Variants in PBRM1 observed in about 807,000 individuals in gnomAD.
PBRM1 encodes the protein polybromo 1.
In PBRM1, 27 loss-of-function variants were observed where a neutral mutation model predicts 194.5. The ratio of observed to expected loss-of-function variants is 0.14; its 90% CI spans 0.10 to 0.19. PBRM1 has a LOEUF of 0.19. Ranked by LOEUF, PBRM1 falls within the 10% of genes least tolerant of loss-of-function variation. The probability of loss-of-function intolerance (pLI) is 1.00; values close to 1 mark genes in which losing one functional copy is unlikely to be tolerated. For missense variants in PBRM1, 1,466 were observed against 2,077.2 expected, an observed-to-expected ratio of 0.71 and a Z score of 5.72; for synonymous variants, 655 against 693.2, an observed-to-expected ratio of 0.94 and a Z score of 0.87.
At chr3:52,668,944 C>G (rs1405096032) in intron 2 of PBRM1, among the ~76,000 whole-genome samples, 1 of 152,144 alleles carries the variant, frequency 6.6e-6, no homozygotes, top group South Asian at 2.1e-4. Flanking sequence ...GGCACCAACG[C>G]TAAACCCATG....
chr3:52,657,405 T>C lies in PBRM1; in HGVS notation c.645+794A>G, dbSNP rs1342443536. Among the ~76,000 whole-genome samples, 3 of 152,106 alleles carry C rather than the reference T, an allele frequency of 2.0e-5. No individual in the cohort carries two copies. The East Asian group carries it at 5.8e-4, about 29-fold the overall frequency. On this transcript the variant is annotated intron_variant, in intron 5 of 29. Transcript: ENST00000296302. ...ATCATAACCTTCTGATCATGTAAAA[T>C]GATAGACCGTATACATTTTGTGCTG...
intron 5 of PBRM1, among the ~76,000 whole-genome samples, chr3:52,656,495 C>T (rs909721191): frequency 6.6e-6 from 1 of 152,126 alleles, no homozygotes; most frequent in East Asian, 1.9e-4. Flanking sequence ...GAAAGCTTGT[C>T]TCTACTAAAA....
At chr3:52,579,855 A>G (rs2090643972) in intron 20 of PBRM1, among the ~76,000 whole-genome samples, 3 of 152,248 alleles carry the variant, frequency 2.0e-5, no homozygotes, top group Admixed American at 1.3e-4. Context: ...AAGCAGACTC[A>G]TTCATGCATT....
At chr3:52,684,146 C>T (rs1266017998), upstream of PBRM1, among the ~76,000 whole-genome samples, 2 of 99,848 alleles carry the variant, frequency 2.0e-5, no homozygotes, top group Non-Finnish European at 3.7e-5. Flanking sequence ...CCAGCCTGGG[C>T]AACAAAGTCA....
At chr3:52,545,528 C>T (rs1189110712), downstream of PBRM1, 2 of 232,880 alleles carry the variant, frequency 8.6e-6, no homozygotes, top group African/African-American at 2.2e-5. Context: ...AACATTCAAG[C>T]TCAAAATCAT....
intron 14 of PBRM1, among the ~76,000 whole-genome samples, chr3:52,616,851 T>C (rs1293100530): frequency 6.6e-6 from 1 of 152,206 alleles, no homozygotes; most frequent in African/African-American, 2.4e-5. Flanking sequence ...ATGATGATGA[T>C]GAAAGATTTT....
chr3:52,593,387 C>T (rs2093280720), intron 17 of PBRM1, among the ~76,000 whole-genome samples: 2 of 152,178 alleles, frequency 1.3e-5, no homozygotes, highest in African/African-American at 2.4e-5. Flanking sequence ...CAGGCACACA[C>T]TGCCATACCC....
At chr3:52,652,808 G>T (rs2096532108) in intron 5 of PBRM1, among the ~76,000 whole-genome samples, 1 of 152,012 alleles carries the variant, frequency 6.6e-6, no homozygotes. Flanking sequence ...GACCAACCTG[G>T]CCAACATAGC....
chr3:52,637,773 C>CAAAAAAAAAAAA lies in PBRM1; in HGVS notation c.1088-2970_1088-2959dup, dbSNP rs755241328. On this transcript the variant is annotated intron_variant, in intron 10 of 29. Transcript: ENST00000296302. ...CAAAACCATGTCTCTACTAAAAATA[C>CAAAAAAAAAAAA]AAAAAAAAAAAAAAAAAAAAAAAAT... Among the ~76,000 whole-genome samples the CAAAAAAAAAAAA allele has an allele frequency of 8.8e-3, 373 of 42,192 alleles. 29 individuals carry two copies. The highest frequency in any genetic ancestry group is 0.011 in the Non-Finnish European group (211 of 18,890). The allele number at this position is 42,192 out of a possible 152,430, so 27.7% of individuals were successfully genotyped here. A position where few individuals can be genotyped will look rare whatever the true frequency, so the allele number is the denominator to read the frequency against.
intron 10 of PBRM1, among the ~76,000 whole-genome samples, chr3:52,637,657 G>A (rs111266648): frequency 0.012 from 1,769 of 150,890 alleles, 21 homozygotes; most frequent in South Asian, 0.036. Flanking sequence ...GCTGGGCGCA[G>A]TAGCTCATGC....
chr3:52,681,596 G>A, upstream of PBRM1: 1 of 279,060 alleles, frequency 3.6e-6, no homozygotes, highest in Non-Finnish European at 5.6e-6. Flanking sequence ...CATAAGGAGG[G>A]AATCTTTGTG....
chr3:52,661,846 T>C (rs1280766943), intron 4 of PBRM1, among the ~76,000 whole-genome samples: 1 of 152,238 alleles, frequency 6.6e-6, no homozygotes, highest in East Asian at 1.9e-4. Context: ...AATACTGGAC[T>C]AATCCTTGAT....
At chr3:52,598,841 G>C (rs1268892961) in intron 17 of PBRM1, among the ~76,000 whole-genome samples, 1 of 152,046 alleles carries the variant, frequency 6.6e-6, no homozygotes, top group East Asian at 1.9e-4. Context: ...GGCCAACATG[G>C]TGAAGCCCCG....
chr3:52,659,238 G>C (rs1022433975), intron 4 of PBRM1, among the ~76,000 whole-genome samples: 1 of 152,196 alleles, frequency 6.6e-6, no homozygotes, highest in African/African-American at 2.4e-5. Context: ...GAGGGTCCAA[G>C]TCTGAAGCAA....
At chr3:52,600,743 A>G (rs2093931896) in intron 17 of PBRM1, among the ~76,000 whole-genome samples, 1 of 152,200 alleles carries the variant, frequency 6.6e-6, no homozygotes, top group Non-Finnish European at 1.5e-5. Context: ...GGTTAAAGGT[A>G]TTCTTCTGCC....
intron 21 of PBRM1, among the ~76,000 whole-genome samples, chr3:52,578,625 G>C (rs549591307): frequency 2.0e-5 from 3 of 152,248 alleles, no homozygotes; most frequent in African/African-American, 7.2e-5. Context: ...ACTATGATTT[G>C]AGCAGGGAAT....
chr3:52,609,729 C>T lies in PBRM1; in HGVS notation c.2151G>A (p.Lys717=), dbSNP rs2094517490. Residue 717 remains lysine, a synonymous_variant, in exon 16 of 30, where the codon AAG becomes AAA. Coordinates refer to ENST00000296302, the Ensembl canonical transcript of PBRM1. This position sits in a 1 kb window ranked among gnomAD's most constrained non-coding sequence, Gnocchi z 4.1. ...CAACCATAGAGTCAATATCTTGGTA[C>T]TTGTTGGCCATCATGTGACTTCGAA... The T allele has an allele frequency of 1.2e-6, 2 of 1,610,290 alleles. No individual in the cohort carries two copies. Among genetic ancestry groups the T allele is most frequent in the South Asian group, 1.1e-5 (1 of 90,438 alleles).
intron 5 of PBRM1, among the ~76,000 whole-genome samples, chr3:52,654,975 A>G (rs1238774126): frequency 6.6e-6 from 1 of 152,098 alleles, no homozygotes; most frequent in Non-Finnish European, 1.5e-5. Context: ...TTTTTTTTGT[A>G]GAGACAGAGT....
chr3:52,587,828 G>A (rs553842686), intron 18 of PBRM1, among the ~76,000 whole-genome samples: 1 of 152,058 alleles, frequency 6.6e-6, no homozygotes, highest in South Asian at 2.1e-4. Context: ...ATCCACAGGA[G>A]AAATAATACT....
Sources: gnomAD v4.1 joint callset for allele counts (sites outside exome capture counted in the v4.1 genomes callset) on GRCh38, gnomAD v4.1.1 for gene constraint, Gnocchi (gnomAD v3.1) non-coding constraint, MANE v1.5 for transcripts, NCBI Gene and HGNC (gene_info 2026-07-23, HGNC 2026-07-21) for gene names.